The following TTLL5 variants were observed in gnomAD, a reference collection of about 807,000 sequenced individuals.
The protein encoded by TTLL5 is tubulin polyglutamylase TTLL5.
A neutral mutation model predicts 168.4 loss-of-function variants in TTLL5; 132 were observed. The ratio of observed to expected loss-of-function variants is 0.78; its 90% CI spans 0.68 to 0.91. The LOEUF (loss-of-function observed/expected upper bound fraction) is 0.91. Among genes scored for constraint, TTLL5 ranks in the 40% least tolerant of loss-of-function variants. The pLI, the probability that TTLL5 is intolerant of heterozygous loss-of-function variation, is 0.00. For synonymous variants in TTLL5, 546 were observed against 558.6 expected, an observed-to-expected ratio of 0.98 and a Z score of 0.32; for missense variants, 1,545 against 1,581.5, an observed-to-expected ratio of 0.98 and a Z score of 0.39.
At chr14:75,912,201 T>C (rs577983825) in intron 31 of TTLL5, among the ~76,000 whole-genome samples, 58 of 152,296 alleles carry the variant, frequency 3.8e-4, no homozygotes, top group Admixed American at 1.0e-3. Context: ...TACATTCAGT[T>C]TTCAGAAGAC....
intron 1 of TTLL5, among the ~76,000 whole-genome samples, chr14:75,662,752 A>G (rs932145832): frequency 6.6e-6 from 1 of 152,204 alleles, no homozygotes; most frequent in African/African-American, 2.4e-5. Context: ...ACTGAGTGAA[A>G]GTGAGGAGTC....
chr14:75,775,811 A>T (rs1307830165), intron 22 of TTLL5, among the ~76,000 whole-genome samples, 181 bp downstream of exon 22: 1 of 152,118 alleles, frequency 6.6e-6, no homozygotes, highest in Non-Finnish European at 1.5e-5. Context: ...TGGTCTGAAA[A>T]ACTATTTATT....
rs1340982465 is a variant in TTLL5 at position 75,699,200 on chromosome 14, AGGACCGG to A, written c.521_527del (p.Arg174LeufsTer3). On this transcript the variant is annotated frameshift_variant, in exon 7 of 32. Coordinates refer to ENST00000298832, the MANE Select transcript of TTLL5 (RefSeq NM_015072.5). LOFTEE classifies it high-confidence loss of function. ...ATATTTTGAGCAGATTCATATTCGA[AGGACCGG>A]GGACCTTGGATAGTAAAACCAGTGG... The A allele has an allele frequency of 1.2e-6, 2 of 1,613,844 alleles. No homozygotes were observed. The highest frequency in any genetic ancestry group is 3.3e-5 in the Admixed American group (2 of 60,008).
At chr14:75,825,510 G>T (rs1020293445) in intron 28 of TTLL5, among the ~76,000 whole-genome samples, 2 of 152,050 alleles carry the variant, frequency 1.3e-5, no homozygotes, top group African/African-American at 4.8e-5. Flanking sequence ...CAATGTTCCA[G>T]CCAGTAAACA....
At chr14:75,835,889 G>C (rs747349037) in intron 28 of TTLL5, among the ~76,000 whole-genome samples, 2 of 152,200 alleles carry the variant, frequency 1.3e-5, no homozygotes, top group African/African-American at 2.4e-5. Context: ...CAAAAGACAA[G>C]TAATGATGCT....
At chr14:75,950,293 G>A (rs1249823206) in intron 31 of TTLL5, among the ~76,000 whole-genome samples, 1 of 152,176 alleles carries the variant, frequency 6.6e-6, no homozygotes, top group Non-Finnish European at 1.5e-5. Context: ...AATATGAAAA[G>A]CAAAAGTGTA....
At chr14:75,870,099 G>A (rs1220215981) in intron 29 of TTLL5, among the ~76,000 whole-genome samples, 2 of 151,962 alleles carry the variant, frequency 1.3e-5, no homozygotes, top group Non-Finnish European at 2.9e-5. Context: ...GATTACAGGC[G>A]TGAGCCACCA....
chr14:75,751,340 G>T (rs1336548422), intron 17 of TTLL5, among the ~76,000 whole-genome samples: 1 of 152,142 alleles, frequency 6.6e-6, no homozygotes, highest in Admixed American at 6.6e-5. Context: ...CCGTTTCACC[G>T]AAAGGAAGCA....
chr14:75,773,987 G>A (rs1345525304), intron 21 of TTLL5, among the ~76,000 whole-genome samples: 1 of 149,016 alleles, frequency 6.7e-6, no homozygotes, highest in Non-Finnish European at 1.5e-5. Context: ...GAGAGAGAGA[G>A]AGAGAGAGAG....
chr14:75,833,054 C>T (rs749880964), intron 28 of TTLL5, among the ~76,000 whole-genome samples: 4 of 152,162 alleles, frequency 2.6e-5, no homozygotes, highest in Non-Finnish European at 4.4e-5. Context: ...GCAGCTCTGC[C>T]CATCAGGAAC....
chr14:75,805,019 T>C (rs527732267), intron 27 of TTLL5, among the ~76,000 whole-genome samples: 9 of 152,306 alleles, frequency 5.9e-5, no homozygotes, highest in African/African-American at 2.2e-4. Context: ...CAAACTTCTT[T>C]TAAAATAACA....
At chr14:75,692,509 T>C (rs149398531) in intron 6 of TTLL5, among the ~76,000 whole-genome samples, 1,989 of 152,268 alleles carry the variant, frequency 0.013, 18 homozygotes, top group South Asian at 0.035. Context: ...GAAATTTTTT[T>C]GGAAGGAAAG....
At chr14:75,900,799 C>T (rs2032890720) in intron 30 of TTLL5, among the ~76,000 whole-genome samples, 1 of 152,248 alleles carries the variant, frequency 6.6e-6, no homozygotes, top group Non-Finnish European at 1.5e-5. Flanking sequence ...GAAAGACCAT[C>T]CTTGACCACT....
At chr14:75,750,979 G>A (rs1889912332) in intron 17 of TTLL5, among the ~76,000 whole-genome samples, 1 of 152,188 alleles carries the variant, frequency 6.6e-6, no homozygotes, top group Non-Finnish European at 1.5e-5. Flanking sequence ...GTGACGTGGT[G>A]TTAGGCTACT....
At chr14:75,792,857 C>A in intron 26 of TTLL5, 59 bp from the exon 27 acceptor site, 1 of 1,454,986 alleles carries the variant, frequency 6.9e-7, no homozygotes, top group Non-Finnish European at 9.2e-7. Context: ...TGTCATTATC[C>A]TAATTTTTTT....
At chr14:75,744,475 C>G (rs1889473932) in intron 15 of TTLL5, 1 of 152,260 alleles carries the variant, frequency 6.6e-6, no homozygotes, top group Admixed American at 6.5e-5. Context: ...TTGGAGTACC[C>G]AGGGTAGTCA....
chr14:75,912,425 A>G (rs941466455), intron 31 of TTLL5, among the ~76,000 whole-genome samples: 12 of 152,224 alleles, frequency 7.9e-5, no homozygotes, highest in African/African-American at 2.9e-4. Context: ...CTAGGCAGGT[A>G]CAGCATAGCC....
rs1471113977 is a variant in TTLL5 at position 75,954,496 on chromosome 14, T to A, written c.*50T>A. ...CTGTTCACCACTCCTGGGTGCATGATTGAGGGTGAAGCATCCACCAGCACT... is the reference window on the plus strand; with the variant it reads ...CTGTTCACCACTCCTGGGTGCATGAATGAGGGTGAAGCATCCACCAGCACT... On this transcript the variant is annotated 3_prime_UTR_variant, in exon 32 of 32. Transcript: ENST00000298832. 1 of 1,606,638 alleles carries A rather than the reference T, an allele frequency of 6.2e-7. No individual in the cohort carries two copies. Among genetic ancestry groups the A allele is most frequent in the Middle Eastern group, 1.7e-4 (1 of 6,052 alleles).
At chr14:75,698,747 TA>T (rs1318075285) in intron 6 of TTLL5, among the ~76,000 whole-genome samples, 1 of 151,682 alleles carries the variant, frequency 6.6e-6, no homozygotes, top group Non-Finnish European at 1.5e-5. Context: ...TACAAAAAGT[TA>T]AAAACAATTA....
Sources: gnomAD v4.1 joint callset for allele counts (sites outside exome capture counted in the v4.1 genomes callset) on GRCh38, gnomAD v4.1.1 for gene constraint, MANE v1.5 for transcripts, NCBI Gene and HGNC (gene_info 2026-07-23, HGNC 2026-07-21) for gene names.